The following TOX2 variants were observed in gnomAD, a reference collection of about 807,000 sequenced individuals.
TOX2 encodes TOX high mobility group box family member 2, also known as granulosa cell HMG box 1.
In TOX2, 15 loss-of-function variants were observed where a neutral mutation model predicts 47.4. That is an observed-to-expected ratio of 0.32 (90% confidence interval 0.21 to 0.49). The LOEUF (loss-of-function observed/expected upper bound fraction) is 0.49. Among genes scored for constraint, TOX2 ranks in the 20% least tolerant of loss-of-function variants. The pLI is 0.99. For synonymous variants in TOX2, 290 were observed against 296.6 expected (o/e 0.98, Z 0.23); for missense variants, 622 against 673.1 (o/e 0.92, Z 0.84).
rs761415679 is a variant in TOX2 at position 44,051,453 on chromosome 20, G to T, written c.559G>T (p.Ala187Ser). ...GCAGATGGGCATCCGGAGCAGCATC[G>T]CCCACAGCTCCCCATCACCGCCGGG... ...ISQMGIRSSI[A>S]HSSPSPPGSK... Residue 187 changes from alanine (A) to serine (S), a missense_variant, in exon 4 of 9, where the codon GCC (alanine) becomes TCC (serine). Ala to Ser is a moderately conservative substitution (Grantham distance 99, BLOSUM62 1). Coordinates refer to ENST00000341197, the MANE Select transcript of TOX2 (RefSeq NM_001098797.2). 1 of 1,613,716 alleles carries T rather than the reference G, an allele frequency of 6.2e-7. No homozygotes were observed. Among genetic ancestry groups the T allele is most frequent in the Non-Finnish European group, 8.5e-7 (1 of 1,179,852 alleles).
At chr20:44,036,488 C>T (rs890228993) in intron 3 of TOX2, among the ~76,000 whole-genome samples, 7 of 152,228 alleles carry the variant, frequency 4.6e-5, no homozygotes, top group African/African-American at 1.7e-4. Context: ...ACCCCTTTCT[C>T]GCATGCCTGA....
chr20:43,929,821 T>G lies in TOX2; in HGVS notation c.99+14831T>G, dbSNP rs186755592. ...ACCTCCCAGGTTCAAGTGATTCTCC[T>G]ACCTCAGCCTCCCGAGTAGCTGGGA... On this transcript the variant is annotated intron_variant, in intron 1 of 8. Transcript: ENST00000341197. Among the ~76,000 whole-genome samples the G allele has an allele frequency of 3.0e-3, 463 of 152,356 alleles. 2 individuals carry two copies. Among genetic ancestry groups the G allele is most frequent in the Admixed American group, 4.2e-3 (64 of 15,304 alleles).
chr20:43,969,124 A>C (rs2069914791), intron 1 of TOX2, among the ~76,000 whole-genome samples: 1 of 152,218 alleles, frequency 6.6e-6, no homozygotes, highest in African/African-American at 2.4e-5. Flanking sequence ...TTGTGTGCCC[A>C]GTTGTATAAA....
intron 3 of TOX2, among the ~76,000 whole-genome samples, chr20:44,010,812 T>C (rs1220514212): frequency 6.6e-6 from 1 of 152,170 alleles, no homozygotes. Context: ...TATTAGTGTC[T>C]CATGGCTGTT....
intron 1 of TOX2, among the ~76,000 whole-genome samples, chr20:43,962,048 G>A (rs990967216): frequency 2.6e-5 from 4 of 152,252 alleles, no homozygotes; most frequent in Admixed American, 1.3e-4. Context: ...CTTAATGAGC[G>A]CTTGTCTGTT....
In TOX2 at chr20:43,952,073, T is replaced by A. The variant is rs918658394; in HGVS notation, c.100-21294T>A. On this transcript the variant is annotated intron_variant, in intron 1 of 8. Coordinates refer to ENST00000341197, the MANE Select transcript of TOX2 (RefSeq NM_001098797.2). ...CACCACACCCGGCTGATTTTTTTTT[T>A]AAAATTTTTAGTAGAGATGGGGTTT... Among the ~76,000 whole-genome samples, 7 of 115,204 alleles carry A rather than the reference T, an allele frequency of 6.1e-5. No homozygotes were observed. In the East Asian group the frequency reaches 8.0e-4, roughly 13 times the overall value. 75.6% of individuals were successfully genotyped at this position (115,204 alleles called of 152,430 possible). A position where few individuals can be genotyped will look rare whatever the true frequency, so the allele number is the denominator to read the frequency against.
intron 2 of TOX2, among the ~76,000 whole-genome samples, chr20:43,993,019 G>A (rs1328158123): frequency 6.6e-6 from 1 of 152,032 alleles, no homozygotes; most frequent in Non-Finnish European, 1.5e-5. Flanking sequence ...CCAGTGGCTC[G>A]AGATGGGAAC....
chr20:43,986,285 A>ATGTATGTATGTG (rs1555836350), intron 2 of TOX2, among the ~76,000 whole-genome samples: 1,893 of 151,582 alleles, frequency 0.012, 16 homozygotes, highest in Middle Eastern at 0.024. Flanking sequence ...GTATGTATGT[A>ATGTATGTATGTG]TGTGTGTATT....
In TOX2 at chr20:44,039,076, A is replaced by G; in HGVS notation, c.412-12230A>G. The G allele has an allele frequency of 3.1e-6, 4 of 1,279,778 alleles. No individual in the cohort carries two copies. The East Asian group carries it at 2.2e-4, about 71-fold the overall frequency. 79.3% of individuals were successfully genotyped at this position (1,279,778 alleles called of 1,614,324 possible). A position where few individuals can be genotyped will look rare whatever the true frequency, so the allele number is the denominator to read the frequency against. The stretch of plus-strand genomic sequence containing the variant: ...TCTCATGAGTGCCGGCTGCCTGCCC[A>G]GCCCTCTGCCTGGTGCTGGGAGGCA... On this transcript the variant is annotated intron_variant, in intron 3 of 8. Coordinates refer to ENST00000341197, the MANE Select transcript of TOX2 (RefSeq NM_001098797.2).
At position 43,915,614 on chromosome 20, in the gene TOX2, G is replaced by A. The variant is rs2069047040; in HGVS notation, c.99+624G>A. Among the ~76,000 whole-genome samples the A allele has an allele frequency of 6.6e-6, 1 of 152,154 alleles. No homozygotes were observed. Among genetic ancestry groups the A allele is most frequent in the Admixed American group, 6.5e-5 (1 of 15,276 alleles). ...TCCTGACGGCCACACAGTCACACGCGGTCACACCCAGGGACGGCCACACCT... is the reference window on the plus strand; with the variant it reads ...TCCTGACGGCCACACAGTCACACGCAGTCACACCCAGGGACGGCCACACCT... On this transcript the variant is annotated intron_variant, in intron 1 of 8. Coordinates refer to ENST00000341197, the MANE Select transcript of TOX2 (RefSeq NM_001098797.2). The surrounding 1 kb of genome is among the most constrained non-coding windows in gnomAD (Gnocchi z 7.1).
At chr20:43,955,306 G>A (rs541343522) in intron 1 of TOX2, 96 of 985,314 alleles carry the variant, frequency 9.7e-5, no homozygotes, top group Non-Finnish European at 1.1e-4. Flanking sequence ...CTGGGTCACA[G>A]GAGGGCCCAT....
chr20:44,004,136 A>G (rs1011655099), intron 2 of TOX2, among the ~76,000 whole-genome samples: 2 of 152,294 alleles, frequency 1.3e-5, no homozygotes, highest in Admixed American at 6.5e-5. Context: ...TCGTGGTTCT[A>G]TGAACGGGAT....
chr20:43,961,780 C>T (rs1419937450), intron 1 of TOX2, among the ~76,000 whole-genome samples: 2 of 152,062 alleles, frequency 1.3e-5, no homozygotes, highest in Non-Finnish European at 2.9e-5. Context: ...TGGGGAGTGC[C>T]GGTGGGTGAG....
intron 1 of TOX2, among the ~76,000 whole-genome samples, chr20:43,951,861 C>A (rs1281085315): frequency 6.8e-6 from 1 of 147,494 alleles, no homozygotes; most frequent in Non-Finnish European, 1.5e-5. Context: ...GTACATACCA[C>A]CATGCCTGGC....
At chr20:43,944,237 C>T (rs999519053) in intron 1 of TOX2, among the ~76,000 whole-genome samples, 4 of 152,144 alleles carry the variant, frequency 2.6e-5, no homozygotes, top group African/African-American at 7.2e-5. Flanking sequence ...GCAAGACAGA[C>T]GATCCTGACC....
intron 3 of TOX2, among the ~76,000 whole-genome samples, chr20:44,022,587 AAC>A (rs1388213920): frequency 6.6e-6 from 1 of 152,152 alleles, no homozygotes; most frequent in African/African-American, 2.4e-5. Context: ...ACCTGGCACA[AAC>A]AGTTTACTCA....
At chr20:44,021,203 G>T (rs2070970135) in intron 3 of TOX2, among the ~76,000 whole-genome samples, 1 of 152,130 alleles carries the variant, frequency 6.6e-6, no homozygotes, top group Non-Finnish European at 1.5e-5. Flanking sequence ...CACTGCTTAT[G>T]GGGGAGAGGG....
At chr20:44,043,071 A>G (rs1600773958) in intron 3 of TOX2, among the ~76,000 whole-genome samples, 1 of 152,298 alleles carries the variant, frequency 6.6e-6, no homozygotes, top group Admixed American at 6.5e-5. Context: ...GCAGCATGTG[A>G]AGTTTTATAT....
intron 5 of TOX2, among the ~76,000 whole-genome samples, chr20:44,056,445 G>A (rs13044223): frequency 0.13 from 19,497 of 152,126 alleles, 1,283 homozygotes; most frequent in East Asian, 0.15. Flanking sequence ...TTTCCTTGCC[G>A]TTTTATACAG....
Sources: allele counts gnomAD v4.1 joint callset (sites outside exome capture counted in the v4.1 genomes callset), GRCh38; gene constraint gnomAD v4.1.1; non-coding constraint Gnocchi (gnomAD v3.1); transcripts MANE v1.5; gene names NCBI Gene and HGNC (gene_info 2026-07-23, HGNC 2026-07-21).